ATP2B1: variants seen among roughly 807,000 people sequenced by gnomAD.
The protein encoded by ATP2B1 is ATPase plasma membrane Ca2+ transporting 1, also known as plasma membrane calcium-transporting ATPase 1.
In ATP2B1, 14 loss-of-function variants were observed where a neutral mutation model predicts 124.2. The ratio of observed to expected loss-of-function variants is 0.11; its 90% CI spans 0.07 to 0.18. ATP2B1 has a LOEUF of 0.18. ATP2B1 is among the 10% of genes least tolerant of loss of function. The probability of loss-of-function intolerance (pLI) is 1.00; values close to 1 mark genes in which losing one functional copy is unlikely to be tolerated. For synonymous variants in ATP2B1, 449 were observed against 492.4 expected (o/e 0.91, Z 1.17); for missense variants, 763 against 1,466.1 (o/e 0.52, Z 7.83).
Position 89,685,851 on chromosome 12 carries a change from T to A in ATP2B1, c.-222+22745A>T, listed in dbSNP as rs577297486. Among the ~76,000 whole-genome samples, 198 of 152,084 alleles carry A rather than the reference T, an allele frequency of 1.3e-3. 1 individual carries two copies. The highest frequency in any genetic ancestry group is 4.6e-3 in the African/African-American group (189 of 41,484). Reference sequence around the variant, plus strand: ...CCCTAATCCAATAGAACTGGTGTCCTTAAGAAGAGATACCAGCAAAAAGGC... The same window carrying A: ...CCCTAATCCAATAGAACTGGTGTCCATAAGAAGAGATACCAGCAAAAAGGC... On this transcript the variant is annotated intron_variant, in intron 1 of 20. Transcript: ENST00000428670.
intron 11 of ATP2B1, 113 bp from the exon 12 acceptor site, chr12:89,617,152 G>T (rs1592752043): frequency 1.3e-6 from 1 of 763,824 alleles, no homozygotes; most frequent in East Asian, 2.7e-5. Flanking sequence ...GGAATTTAGA[G>T]AATTACATAT....
At chr12:89,627,564 A>G in intron 7 of ATP2B1, 114 bp downstream of exon 7, 2 of 1,153,210 alleles carry the variant, frequency 1.7e-6, no homozygotes, top group Non-Finnish European at 2.6e-6. Context: ...AAGCTAACGT[A>G]TATTGTTGAT....
chr12:89,624,483 A>G (rs1387842981), intron 8 of ATP2B1, 86 bp from the exon 9 acceptor site: 2 of 1,076,442 alleles, frequency 1.9e-6, no homozygotes, highest in Admixed American at 2.6e-5. Flanking sequence ...CACTGTAAAG[A>G]GTTATAACTT....
chr12:89,670,301 CAATA>C (rs1887787422), intron 1 of ATP2B1, among the ~76,000 whole-genome samples: 2 of 149,374 alleles, frequency 1.3e-5, no homozygotes, highest in Non-Finnish European at 3.0e-5. Flanking sequence ...ATACGTTTAA[CAATA>C]AATAAAAAAT....
chr12:89,592,662 G>A (rs1873807223), intron 20 of ATP2B1, among the ~76,000 whole-genome samples: 1 of 152,050 alleles, frequency 6.6e-6, no homozygotes, highest in Admixed American at 6.6e-5. Flanking sequence ...CTTACTACCT[G>A]AGGAACCTCG....
rs971086069 is a variant in ATP2B1 at position 89,590,791 on chromosome 12, C to G, written c.*193G>C. The G allele has an allele frequency of 1.7e-6, 1 of 602,014 alleles. No homozygotes were observed. Among genetic ancestry groups the G allele is most frequent in the Non-Finnish European group, 2.8e-6 (1 of 360,440 alleles). 37.3% of individuals were successfully genotyped at this position (602,014 alleles called of 1,614,324 possible). ...CTGTCAGTTCATTTCTCCCACCCCCCAAAAAGCACCCTCAGTCTGGCAGAA... is the reference window on the plus strand; with the variant it reads ...CTGTCAGTTCATTTCTCCCACCCCCGAAAAAGCACCCTCAGTCTGGCAGAA... On this transcript the variant is annotated 3_prime_UTR_variant, in exon 21 of 21. Transcript: ENST00000428670.
chr12:89,691,509 C>T (rs1890553583), intron 1 of ATP2B1, among the ~76,000 whole-genome samples: 1 of 152,050 alleles, frequency 6.6e-6, no homozygotes. Flanking sequence ...TTATTAAATA[C>T]TTTACACAAA....
chr12:89,709,316 C>G (rs974319754), upstream of ATP2B1: 1 of 152,224 alleles, frequency 6.6e-6, no homozygotes, highest in Non-Finnish European at 1.5e-5. Context: ...CCACCGCCGC[C>G]GAAGCTCGCG....
chr12:89,607,497 T>C (rs1348856184), intron 15 of ATP2B1, among the ~76,000 whole-genome samples: 3 of 152,196 alleles, frequency 2.0e-5, no homozygotes, highest in Non-Finnish European at 2.9e-5. Flanking sequence ...TCTTCACTTC[T>C]AATGTTCCGG....
At chr12:89,683,534 C>A (rs1889612840) in intron 1 of ATP2B1, among the ~76,000 whole-genome samples, 1 of 152,188 alleles carries the variant, frequency 6.6e-6, no homozygotes, top group Admixed American at 6.5e-5. Flanking sequence ...CAGCAGTCAT[C>A]CCAGCCTAGG....
chr12:89,614,348 CAAAAACAAGA>C (rs1468534560), intron 12 of ATP2B1, among the ~76,000 whole-genome samples: 1 of 152,066 alleles, frequency 6.6e-6, no homozygotes, highest in Admixed American at 6.6e-5. Context: ...TTAAAGAAAA[CAAAAACAAGA>C]CAAAATAAAA....
At position 89,614,577 on chromosome 12, in the gene ATP2B1, G is replaced by A. The variant is rs538569629; in HGVS notation, c.2067+2225C>T. ...TCTAACTTGTACAGAGATGGTTAGC[G>A]ACCATCTCCTTTATAAGACTTCTAA... On this transcript the variant is annotated intron_variant, in intron 12 of 20. Transcript: ENST00000428670. Among the ~76,000 whole-genome samples the A allele has an allele frequency of 6.6e-5, 10 of 152,220 alleles. No homozygotes were observed. The South Asian group carries it at 1.5e-3, about 22-fold the overall frequency.
chr12:89,672,946 T>G (rs1342958754), intron 1 of ATP2B1, among the ~76,000 whole-genome samples: 3 of 152,262 alleles, frequency 2.0e-5, no homozygotes, highest in African/African-American at 7.2e-5. Flanking sequence ...CTTTCCAAGT[T>G]TAGCCTCTTG....
chr12:89,662,916 G>C (rs79130177), intron 1 of ATP2B1, among the ~76,000 whole-genome samples: 2 of 152,030 alleles, frequency 1.3e-5, no homozygotes, highest in African/African-American at 4.8e-5. Flanking sequence ...GAAACAACTA[G>C]ATTAGAATAA....
At chr12:89,659,619 T>C (rs573583398) in intron 1 of ATP2B1, among the ~76,000 whole-genome samples, 2 of 152,220 alleles carry the variant, frequency 1.3e-5, no homozygotes, top group South Asian at 4.1e-4. Context: ...AAGGAAACGT[T>C]GTGTGAAAGT....
At position 89,609,911 on chromosome 12, in the gene ATP2B1, G is replaced by A. The variant is rs763992770; in HGVS notation, c.2442+26C>T. 2.1e-5 allele frequency: 34 copies of A among 1,592,512 alleles called. No individual in the cohort carries two copies. The South Asian group carries it at 3.3e-4, about 16-fold the overall frequency. On this transcript the variant is annotated intron_variant, in intron 15 of 20. Transcript: ENST00000428670. ...ACAAACCAGTCAGTAAATTACGTTT[G>A]GATATTTGAATGAGTAAATTCTTAC...
At chr12:89,643,757 G>A (rs1162781372) in intron 2 of ATP2B1, among the ~76,000 whole-genome samples, 1 of 152,234 alleles carries the variant, frequency 6.6e-6, no homozygotes, top group Non-Finnish European at 1.5e-5. Flanking sequence ...TAACAGTACA[G>A]ACAGCAGTGA....
At position 89,675,768 on chromosome 12, in the gene ATP2B1, T is replaced by C. The variant is rs140898648; in HGVS notation, c.-221-19661A>G. ...AGGTAAGAGAGGAGTCTTTTCTGGATTGCCCCAGACACATTTATAATTCCA... is the reference window on the plus strand; with the variant it reads ...AGGTAAGAGAGGAGTCTTTTCTGGACTGCCCCAGACACATTTATAATTCCA... On this transcript the variant is annotated intron_variant, in intron 1 of 20. Coordinates refer to ENST00000428670, the MANE Select transcript of ATP2B1 (RefSeq NM_001366521.1). Among the ~76,000 whole-genome samples, 311 of 152,292 alleles carry C rather than the reference T, an allele frequency of 2.0e-3. 3 individuals are homozygous for C. The highest frequency in any genetic ancestry group is 8.0e-3 in the Admixed American group (122 of 15,284).
intron 12 of ATP2B1, among the ~76,000 whole-genome samples, chr12:89,614,782 C>A (rs909836611): frequency 1.3e-5 from 2 of 152,128 alleles, no homozygotes; most frequent in African/African-American, 4.8e-5. Context: ...CGTATCCAAA[C>A]CCAACATATT....
Sources: allele counts gnomAD v4.1 joint callset (sites outside exome capture counted in the v4.1 genomes callset), GRCh38; gene constraint gnomAD v4.1.1; transcripts MANE v1.5; gene names NCBI Gene and HGNC (gene_info 2026-07-23, HGNC 2026-07-21).